Variants in RPTOR observed in about 807,000 individuals in gnomAD.
RPTOR encodes regulatory associated protein of MTOR complex 1.
In RPTOR, 21 loss-of-function variants were observed where a neutral mutation model predicts 169.9. The observed-to-expected ratio is 0.12, with a 90% confidence interval of 0.09 to 0.18. RPTOR has a LOEUF of 0.18. Ranked by LOEUF, RPTOR falls within the 10% of genes least tolerant of loss-of-function variation. RPTOR has a pLI of 1.00. For missense variants in RPTOR, 1,133 were observed against 1,855.9 expected, an observed-to-expected ratio of 0.61 and a Z score of 7.16; for synonymous variants, 732 against 753.2, an observed-to-expected ratio of 0.97 and a Z score of 0.46.
intron 9 of RPTOR, among the ~76,000 whole-genome samples, chr17:80,830,711 G>A (rs2143648084): frequency 6.6e-6 from 1 of 152,248 alleles, no homozygotes; most frequent in Non-Finnish European, 1.5e-5. Flanking sequence ...TGCTCCTCAG[G>A]AATGGCAGAG....
intron 13 of RPTOR, among the ~76,000 whole-genome samples, chr17:80,875,092 G>C (rs551832912): frequency 6.6e-6 from 1 of 152,260 alleles, no homozygotes; most frequent in East Asian, 1.9e-4. Flanking sequence ...TGTTAGCCTG[G>C]GCGTAATTCT....
intron 1 of RPTOR, among the ~76,000 whole-genome samples, chr17:80,619,871 C>T (rs1567823376): frequency 6.6e-6 from 1 of 152,172 alleles, no homozygotes; most frequent in African/African-American, 2.4e-5. Flanking sequence ...GAACACTGCC[C>T]AGGCTGTTAT....
At chr17:80,618,029 G>C (rs1454106352) in intron 1 of RPTOR, among the ~76,000 whole-genome samples, 1 of 150,836 alleles carries the variant, frequency 6.6e-6, no homozygotes, top group African/African-American at 2.5e-5. Context: ...CACCCAGGGT[G>C]GAGTGCAGTG....
chr17:80,723,531 A>G (rs182932975), intron 4 of RPTOR, among the ~76,000 whole-genome samples: 2 of 151,386 alleles, frequency 1.3e-5, no homozygotes, highest in African/African-American at 2.5e-5. Flanking sequence ...AATTGTTTCA[A>G]CTTTGACCAC....
chr17:80,863,823 G>C (rs987403890), intron 13 of RPTOR, among the ~76,000 whole-genome samples: 13 of 152,226 alleles, frequency 8.5e-5, no homozygotes, highest in African/African-American at 3.1e-4. Context: ...AGAAGGCTGA[G>C]GCGGGAGAAT....
chr17:80,584,100 G>T (rs2065039647), intron 1 of RPTOR, among the ~76,000 whole-genome samples: 1 of 152,246 alleles, frequency 6.6e-6, no homozygotes, highest in Non-Finnish European at 1.5e-5. Context: ...GAGCCAGGCA[G>T]TGCGGGCTGA....
rs768943123 is a variant in RPTOR, at chr17:80,864,370, G to A, written c.1509+6470G>A. On this transcript the variant is annotated intron_variant, in intron 13 of 33. Coordinates refer to ENST00000306801, the MANE Select transcript of RPTOR (RefSeq NM_020761.3). ...GATTTCCTACAGATGGAAAAGGTGA[G>A]AATGATGGCAAGTTTCTTCTCACAG... 8.0e-4 allele frequency among the ~76,000 whole-genome samples: 114 copies of A among 143,340 alleles called. 1 individual carries two copies. Among genetic ancestry groups the A allele is most frequent in the Non-Finnish European group, 2.4e-4 (16 of 66,584 alleles). The allele number at this position is 143,340 out of a possible 152,430, so 94.0% of individuals were successfully genotyped here. A position where few individuals can be genotyped will look rare whatever the true frequency, so the allele number is the denominator to read the frequency against.
At chr17:80,690,729 T>C (rs2065984347) in intron 3 of RPTOR, among the ~76,000 whole-genome samples, 1 of 152,154 alleles carries the variant, frequency 6.6e-6, no homozygotes, top group African/African-American at 2.4e-5. Context: ...CTCTGTGATA[T>C]TAGCAGCTAT....
chr17:80,640,629 C>T (rs1053366052), intron 2 of RPTOR, among the ~76,000 whole-genome samples: 1 of 152,200 alleles, frequency 6.6e-6, no homozygotes, highest in African/African-American at 2.4e-5. Context: ...AGTGGGGCCC[C>T]TGCCAGGCTG....
intron 11 of RPTOR, among the ~76,000 whole-genome samples, chr17:80,847,091 G>A (rs369905077): frequency 3.3e-4 from 50 of 152,394 alleles, no homozygotes; most frequent in African/African-American, 1.1e-3. Context: ...GTGGCCCAGC[G>A]CCGTAGGTTA....
At position 80,845,225 on chromosome 17, in the gene RPTOR, C is replaced by T. The variant is rs1390769865; in HGVS notation, c.1213-1248C>T. ...CCCCTCCACTCTGTGCCTGCACTCA[C>T]GTGGCTGGGCTAACTGGGAGCTCGG... On this transcript the variant is annotated intron_variant, in intron 10 of 33. Transcript: ENST00000306801. This position sits in a 1 kb window ranked among gnomAD's most constrained non-coding sequence, Gnocchi z 5.4. 6.6e-6 allele frequency among the ~76,000 whole-genome samples: 1 copy of T among 152,182 alleles called. No homozygotes were observed. The highest frequency in any genetic ancestry group is 1.5e-5 in the Non-Finnish European group (1 of 68,024).
intron 13 of RPTOR, among the ~76,000 whole-genome samples, chr17:80,866,375 C>T (rs573866500): frequency 1.7e-4 from 26 of 152,258 alleles, no homozygotes; most frequent in Non-Finnish European, 2.5e-4. Context: ...CCGGAGATCC[C>T]GGCTTCCACC....
chr17:80,683,077 C>T (rs190117723), intron 3 of RPTOR, among the ~76,000 whole-genome samples: 1 of 152,332 alleles, frequency 6.6e-6, no homozygotes, highest in Non-Finnish European at 1.5e-5. Flanking sequence ...GCTGGGATTA[C>T]AGGCGCGAGC....
chr17:80,741,100 G>A (rs181306759), intron 5 of RPTOR, among the ~76,000 whole-genome samples: 41 of 152,178 alleles, frequency 2.7e-4, no homozygotes, highest in Middle Eastern at 3.2e-3. Flanking sequence ...AAAATGGTAC[G>A]GCTGCTTCAG....
At chr17:80,944,291 C>A (rs142342644) in intron 25 of RPTOR, among the ~76,000 whole-genome samples, 1,593 of 152,284 alleles carry the variant, frequency 0.01, 29 homozygotes, top group South Asian at 0.035. Flanking sequence ...TGGATCCTGG[C>A]GACCACACCC....
chr17:80,602,979 T>G, intron 1 of RPTOR: 1 of 345,612 alleles, frequency 2.9e-6, no homozygotes, highest in African/African-American at 2.1e-5. Context: ...TCTTGGGTTG[T>G]CCATTGGATG....
intron 5 of RPTOR, among the ~76,000 whole-genome samples, chr17:80,744,928 CTAGCAGAGCCCTGGT>C (rs1567889594): frequency 4.6e-5 from 7 of 151,624 alleles, no homozygotes; most frequent in African/African-American, 1.7e-4. Context: ...GCCCTGGTTA[CTAGCAGAGCCCTGGT>C]TACTAGCAGA....
chr17:80,771,526 G>T (rs2066843061), intron 6 of RPTOR, among the ~76,000 whole-genome samples: 1 of 152,158 alleles, frequency 6.6e-6, no homozygotes, highest in Non-Finnish European at 1.5e-5. Flanking sequence ...TTCCTGTCCA[G>T]CCCTCAATAT....
chr17:80,891,840 A>G lies in RPTOR; in HGVS notation c.2101+3A>G, dbSNP rs199529297. 3.8e-6 allele frequency: 6 copies of G among 1,598,506 alleles called. No individual in the cohort carries two copies. The African/African-American group carries it at 4.0e-5, about 11-fold the overall frequency. Reference sequence around the variant, plus strand: ...CTTGCCTTCTCCAGCAACCACAGGTATGGCGTCTTCTCCTGTGAACCCGCA... The same window carrying G: ...CTTGCCTTCTCCAGCAACCACAGGTGTGGCGTCTTCTCCTGTGAACCCGCA... On this transcript the variant is annotated splice_donor_region_variant and intron_variant, in intron 18 of 33. Coordinates refer to ENST00000306801, the MANE Select transcript of RPTOR (RefSeq NM_020761.3).
Sources: gnomAD v4.1 joint callset for allele counts (sites outside exome capture counted in the v4.1 genomes callset) on GRCh38, gnomAD v4.1.1 for gene constraint, Gnocchi (gnomAD v3.1) non-coding constraint, MANE v1.5 for transcripts, NCBI Gene and HGNC (gene_info 2026-07-23, HGNC 2026-07-21) for gene names.